The following ARSF variants were observed in gnomAD, a reference collection of about 807,000 sequenced individuals.
ARSF encodes arylsulfatase F.
A neutral mutation model predicts 35.4 loss-of-function variants in ARSF; 33 were observed. The ratio of observed to expected loss-of-function variants is 0.93; its 90% CI spans 0.71 to 1.25. The LOEUF (loss-of-function observed/expected upper bound fraction) is 1.25. Among genes scored for constraint, ARSF ranks in the 50% most tolerant of loss-of-function variants. ARSF has a pLI of 0.00. For missense variants in ARSF, 501 were observed against 480.2 expected, an observed-to-expected ratio of 1.04 and a Z score of -0.40; for synonymous variants, 222 against 193.1, an observed-to-expected ratio of 1.15 and a Z score of -1.24.
chrX:3,069,332 C>G (rs1306663138), intron 2 of ARSF, among the ~76,000 whole-genome samples: 2 of 110,607 alleles, frequency 1.8e-5, no homozygotes, highest in Non-Finnish European at 3.8e-5. Context: ...TATTCTCACA[C>G]TTTTTCTTCT....
intron 1 of ARSF, among the ~76,000 whole-genome samples, chrX:3,067,131 CGTGT>C (rs368895328): frequency 0.078 from 7,662 of 97,959 alleles, 416 homozygotes; most frequent in African/African-American, 0.19. Context: ...TAACCAAGAA[CGTGT>C]GTGTGTGTGT....
intron 1 of ARSF, among the ~76,000 whole-genome samples, chrX:3,047,749 A>T (rs913623371): frequency 2.7e-5 from 3 of 110,800 alleles, no homozygotes; most frequent in African/African-American, 6.6e-5. Flanking sequence ...TATGCAAGCC[A>T]TGTGGGATTG....
intron 1 of ARSF, among the ~76,000 whole-genome samples, chrX:3,059,644 T>C (rs2090033590): frequency 1.8e-5 from 2 of 112,654 alleles, no homozygotes; most frequent in Admixed American, 9.4e-5. Flanking sequence ...ATCCTGCACC[T>C]GGCTCGGCAG....
intron 3 of ARSF, among the ~76,000 whole-genome samples, chrX:3,073,178 A>C (rs896817540): frequency 1.0e-5 from 1 of 98,827 alleles, no homozygotes; most frequent in Admixed American, 1.2e-4. Context: ...CTTCATACAT[A>C]TTGATAATAT....
intron 6 of ARSF, among the ~76,000 whole-genome samples, chrX:3,088,295 C>T (rs1335563377): frequency 9.0e-6 from 1 of 111,579 alleles, no homozygotes; most frequent in African/African-American, 3.3e-5. Flanking sequence ...TGAGGCTTCA[C>T]GAGCAGTGAG....
intron 1 of ARSF, among the ~76,000 whole-genome samples, chrX:3,063,935 C>T (rs185834037): frequency 8.9e-6 from 1 of 111,839 alleles, no homozygotes; most frequent in East Asian, 2.8e-4. Flanking sequence ...ACTTTCTTCA[C>T]AGAATTGGGA....
At chrX:3,044,067 G>A (rs189667352) in intron 1 of ARSF, among the ~76,000 whole-genome samples, 386 of 111,501 alleles carry the variant, frequency 3.5e-3, no homozygotes, top group Non-Finnish European at 6.1e-3. Context: ...GATTACAGGC[G>A]TGTGGCACCA....
chrX:3,073,598 AATAAATATAATATAAATATTT>A (rs1176939909), intron 3 of ARSF, among the ~76,000 whole-genome samples: 3 of 100,611 alleles, frequency 3.0e-5, no homozygotes, highest in African/African-American at 7.2e-5. Context: ...TTTTAATATA[AATAAATATAATATAAATATTT>A]ATAAATATAT....
At chrX:3,099,551 A>T (rs1367436638) in intron 7 of ARSF, among the ~76,000 whole-genome samples, 3 of 111,612 alleles carry the variant, frequency 2.7e-5, no homozygotes, top group Non-Finnish European at 3.8e-5. Flanking sequence ...AGTGGAAGTG[A>T]TGGTGTGTTC....
Position 3,080,963 on chromosome X carries a change from C to A in ARSF, c.356C>A (p.Thr119Lys), listed in dbSNP as rs779698098. ...CCCGCAGGCCTCCCTCTTAATGAGA[C>A]AACACTTGCAGCCTTGCTAAAGAAG... Reference protein sequence around the residue: ...AVPAGLPLNETTLAALLKKQG... With the variant: ...AVPAGLPLNEKTLAALLKKQG... Residue 119 changes from threonine to lysine, a missense_variant, in exon 5 of 11, where the codon ACA becomes AAA. Coordinates refer to ENST00000381127, the MANE Select transcript of ARSF (RefSeq NM_001201539.2). The A allele has an allele frequency of 8.3e-6, 10 of 1,209,995 alleles. No individual in the cohort carries two copies. The highest frequency in any genetic ancestry group is 1.1e-6 in the Non-Finnish European group (1 of 895,137).
intron 1 of ARSF, among the ~76,000 whole-genome samples, chrX:3,045,765 G>C (rs1443086168): frequency 3.6e-5 from 4 of 110,249 alleles, no homozygotes; most frequent in African/African-American, 1.3e-4. Flanking sequence ...ATGTTGGTCA[G>C]GCTGGTCTCA....
chrX:3,111,266 A>C (rs1277681112), intron 10 of ARSF, among the ~76,000 whole-genome samples: 1 of 111,839 alleles, frequency 8.9e-6, no homozygotes, highest in African/African-American at 3.2e-5. Flanking sequence ...ACTAAAGATA[A>C]AATGTAAGAT....
At chrX:3,073,580 TATAA>T (rs982613931) in intron 3 of ARSF, among the ~76,000 whole-genome samples, 31 of 96,806 alleles carry the variant, frequency 3.2e-4, no homozygotes, top group Non-Finnish European at 6.0e-4. Context: ...ATTATACATA[TATAA>T]ATATTTTAAT....
At chrX:3,105,321 T>C (rs1416131058) in intron 9 of ARSF, among the ~76,000 whole-genome samples, 1 of 112,118 alleles carries the variant, frequency 8.9e-6, no homozygotes, top group Non-Finnish European at 1.9e-5. Context: ...CTAGCAGATA[T>C]CTCTATCAAC....
intron 1 of ARSF, among the ~76,000 whole-genome samples, chrX:3,066,493 A>T (rs1310182223): frequency 8.9e-6 from 1 of 112,120 alleles, no homozygotes; most frequent in Non-Finnish European, 1.9e-5. Flanking sequence ...AGGGACATCA[A>T]ATGGGATTGC....
intron 8 of ARSF, among the ~76,000 whole-genome samples, chrX:3,102,493 G>A (rs765267365): frequency 1.7e-3 from 195 of 112,672 alleles, no homozygotes; most frequent in African/African-American, 5.8e-3. Context: ...ATTCCATGGT[G>A]TATGTACACC....
At chrX:3,068,245 G>A (rs2090080214) in intron 2 of ARSF, 134 bp downstream of exon 2, 3 of 544,772 alleles carry the variant, frequency 5.5e-6, no homozygotes, top group South Asian at 1.0e-4. Flanking sequence ...TTCTTTTCTT[G>A]TAACCTACTA....
chrX:3,103,651 A>G (rs759334857), intron 8 of ARSF, 111 bp from the exon 9 acceptor site: 3 of 905,423 alleles, frequency 3.3e-6, no homozygotes, highest in East Asian at 6.4e-5. Context: ...CATAGAGTAG[A>G]CACTATACAA....
At chrX:3,095,796 AT>A (rs1228716527) in intron 7 of ARSF, among the ~76,000 whole-genome samples, 1 of 110,069 alleles carries the variant, frequency 9.1e-6, no homozygotes, top group Non-Finnish European at 1.9e-5. Context: ...AATTCTTAAT[AT>A]TTTGAGAGAC....
Sources: gnomAD v4.1 joint callset for allele counts (sites outside exome capture counted in the v4.1 genomes callset) on GRCh38, gnomAD v4.1.1 for gene constraint, MANE v1.5 for transcripts, NCBI Gene and HGNC (gene_info 2026-07-23, HGNC 2026-07-21) for gene names.